Variants in ANKRD6 observed in about 807,000 individuals in gnomAD.
ANKRD6 encodes ankyrin repeat domain-containing protein 6.
ANKRD6 carries 56 observed loss-of-function variants against 82.3 expected under a neutral mutation model. The observed-to-expected ratio is 0.68, with a 90% confidence interval of 0.55 to 0.85. The LOEUF (loss-of-function observed/expected upper bound fraction) is 0.85. Ranked by LOEUF, ANKRD6 falls within the 40% of genes least tolerant of loss-of-function variation. The pLI, the probability that ANKRD6 is intolerant of heterozygous loss-of-function variation, is 0.00. For missense variants in ANKRD6, 852 were observed against 907.6 expected, an observed-to-expected ratio of 0.94 and a Z score of 0.79; for synonymous variants, 347 against 352.1, an observed-to-expected ratio of 0.99 and a Z score of 0.16.
At chr6:89,601,889 CT>C (rs1797256335) in intron 3 of ANKRD6, 1 of 152,152 alleles carries the variant, frequency 6.6e-6, no homozygotes, top group African/African-American at 2.4e-5. Flanking sequence ...TTATGATGGC[CT>C]CTGTCCTCTT....
intron 1 of ANKRD6, among the ~76,000 whole-genome samples, chr6:89,504,130 G>A (rs1779560986): frequency 1.6e-5 from 2 of 123,270 alleles, no homozygotes; most frequent in South Asian, 6.6e-4. Flanking sequence ...GATAGTGTGG[G>A]GGGCGGGGGG....
At chr6:89,625,805 C>T (rs1013978094) in intron 13 of ANKRD6, among the ~76,000 whole-genome samples, 3 of 150,650 alleles carry the variant, frequency 2.0e-5, no homozygotes, top group African/African-American at 7.4e-5. Context: ...GCAATCTCAG[C>T]TCACTACAGC....
At chr6:89,530,548 A>C (rs1783019467) in intron 1 of ANKRD6, among the ~76,000 whole-genome samples, 1 of 152,164 alleles carries the variant, frequency 6.6e-6, no homozygotes, top group South Asian at 2.1e-4. Context: ...TTCAGTGGCA[A>C]CTGGGAGTTG....
chr6:89,467,293 A>G (rs1278896172), intron 1 of ANKRD6, among the ~76,000 whole-genome samples: 4 of 152,190 alleles, frequency 2.6e-5, no homozygotes, highest in African/African-American at 7.2e-5. Context: ...TATTTATATT[A>G]TAGTATATGG....
intron 5 of ANKRD6, among the ~76,000 whole-genome samples, chr6:89,610,471 C>G (rs1320268729): frequency 6.6e-6 from 1 of 152,224 alleles, no homozygotes; most frequent in East Asian, 1.9e-4. Context: ...TTGTGTGGAT[C>G]TACCACAATT....
intron 1 of ANKRD6, among the ~76,000 whole-genome samples, chr6:89,482,740 T>G (rs1033662165): frequency 1.3e-5 from 2 of 152,176 alleles, no homozygotes; most frequent in African/African-American, 2.4e-5. Flanking sequence ...AATCTACTCT[T>G]TGTATCCTTC....
At chr6:89,547,891 C>G (rs1337437361) in intron 1 of ANKRD6, among the ~76,000 whole-genome samples, 1 of 152,030 alleles carries the variant, frequency 6.6e-6, no homozygotes, top group Non-Finnish European at 1.5e-5. Context: ...GTAACCATAT[C>G]AATATTTTTT....
chr6:89,433,213 G>T lies in ANKRD6; in HGVS notation c.-306G>T, dbSNP rs1770172161. The T allele has an allele frequency of 6.6e-6, 1 of 151,622 alleles. No individual in the cohort carries two copies. The highest frequency in any genetic ancestry group is 2.4e-5 in the African/African-American group (1 of 41,376). 9.4% of individuals were successfully genotyped at this position (151,622 alleles called of 1,614,324 possible). On this transcript the variant is annotated 5_prime_UTR_variant, in exon 1 of 16. Transcript: ENST00000339746. The surrounding 1 kb of genome is among the most constrained non-coding windows in gnomAD (Gnocchi z 4.3). The stretch of plus-strand genomic sequence containing the variant: ...CACAGGTAACCCGCAGGAGCCGAGA[G>T]CGCTGCCTGGCGCGCGGGCGGCTGG...
intron 1 of ANKRD6, among the ~76,000 whole-genome samples, chr6:89,524,189 G>C (rs989177725): frequency 1.6e-4 from 25 of 152,094 alleles, no homozygotes; most frequent in African/African-American, 5.3e-4. Flanking sequence ...TTTGGGAACA[G>C]GTGGTGTTTG....
At chr6:89,599,586 T>C (rs1796634262) in intron 3 of ANKRD6, among the ~76,000 whole-genome samples, 1 of 152,184 alleles carries the variant, frequency 6.6e-6, no homozygotes, top group Admixed American at 6.5e-5. Flanking sequence ...AATTTTAATC[T>C]TATAGGAGGA....
intron 1 of ANKRD6, among the ~76,000 whole-genome samples, chr6:89,488,712 CT>C (rs1341816119): frequency 6.6e-6 from 1 of 152,070 alleles, no homozygotes; most frequent in East Asian, 1.9e-4. Context: ...TATATTGTTT[CT>C]TTTGATTGAA....
intron 2 of ANKRD6, among the ~76,000 whole-genome samples, chr6:89,590,387 G>T (rs1248149244): frequency 6.6e-6 from 1 of 152,240 alleles, no homozygotes; most frequent in Admixed American, 6.5e-5. Context: ...TGGGGAGGTT[G>T]TATAAAAACT....
chr6:89,540,881 C>T (rs954661237), intron 1 of ANKRD6, among the ~76,000 whole-genome samples: 3 of 152,142 alleles, frequency 2.0e-5, no homozygotes, highest in African/African-American at 7.2e-5. Context: ...ATTGAAAAGA[C>T]GATCTTTCCC....
intron 1 of ANKRD6, among the ~76,000 whole-genome samples, chr6:89,555,326 G>A (rs529245610): frequency 6.6e-6 from 1 of 151,940 alleles, no homozygotes; most frequent in Non-Finnish European, 1.5e-5. Flanking sequence ...CACAATTGCA[G>A]TCCAGTTTGA....
At chr6:89,469,979 GT>G (rs1396276194) in intron 1 of ANKRD6, among the ~76,000 whole-genome samples, 1 of 152,102 alleles carries the variant, frequency 6.6e-6, no homozygotes, top group Non-Finnish European at 1.5e-5. Flanking sequence ...ATAAATGGTT[GT>G]TTTAATGAGT....
At chr6:89,486,609 T>C (rs1446499965) in intron 1 of ANKRD6, among the ~76,000 whole-genome samples, 3 of 152,082 alleles carry the variant, frequency 2.0e-5, no homozygotes, top group African/African-American at 7.2e-5. Flanking sequence ...CATGGATTAG[T>C]TCTTTTAAAA....
chr6:89,483,608 A>T (rs577807688), intron 1 of ANKRD6: 2 of 152,340 alleles, frequency 1.3e-5, no homozygotes, highest in East Asian at 3.9e-4. Flanking sequence ...GTGGTTGTCG[A>T]CAGCAAGCTT....
intron 1 of ANKRD6, among the ~76,000 whole-genome samples, chr6:89,491,941 G>A (rs1432919403): frequency 2.6e-5 from 4 of 152,030 alleles, no homozygotes; most frequent in Non-Finnish European, 4.4e-5. Flanking sequence ...AGATCCTATC[G>A]CCTTTGTCCA....
chr6:89,449,283 A>T (rs532647583), intron 1 of ANKRD6, among the ~76,000 whole-genome samples: 2 of 152,316 alleles, frequency 1.3e-5, no homozygotes, highest in South Asian at 4.1e-4. Context: ...AAGGAAATGC[A>T]GATGTGGTGG....
Sources: gnomAD v4.1 joint callset for allele counts (sites outside exome capture counted in the v4.1 genomes callset) on GRCh38, gnomAD v4.1.1 for gene constraint, Gnocchi (gnomAD v3.1) non-coding constraint, MANE v1.5 for transcripts, NCBI Gene and HGNC (gene_info 2026-07-23, HGNC 2026-07-21) for gene names.